The following HIPK1 variants were observed in gnomAD, a reference collection of about 807,000 sequenced individuals.
HIPK1 encodes homeodomain interacting protein kinase 1, also known as homeodomain-interacting protein kinase 1.
Under a neutral mutation model 117.1 loss-of-function variants are expected in HIPK1, and 28 were observed. That is an observed-to-expected ratio of 0.24 (90% CI 0.18 to 0.33). HIPK1 has a LOEUF of 0.33. Among genes scored for constraint, HIPK1 ranks in the 10% least tolerant of loss-of-function variants. The probability of loss-of-function intolerance (pLI) is 1.00; values close to 1 mark genes in which losing one functional copy is unlikely to be tolerated. For missense variants in HIPK1, 1,122 were observed against 1,475.1 expected (o/e 0.76, Z 3.92); for synonymous variants, 605 against 562.5 (o/e 1.08, Z -1.07).
chr1:113,972,463 T>A (rs1672902408), intron 15 of HIPK1, among the ~76,000 whole-genome samples: 2 of 152,222 alleles, frequency 1.3e-5, no homozygotes, highest in South Asian at 4.1e-4. Flanking sequence ...GCTTCTCTCA[T>A]TACTTTATTC....
chr1:113,933,855 G>A (rs1038834423), intron 1 of HIPK1, among the ~76,000 whole-genome samples: 1 of 152,126 alleles, frequency 6.6e-6, no homozygotes, highest in Admixed American at 6.5e-5. Flanking sequence ...GGGTGACAGA[G>A]TCTCAAATAA....
rs76045551 is a variant in HIPK1 at position 113,933,330 on chromosome 1, A to G, written c.-3+3798A>G. 2.2e-3 allele frequency: 664 copies of G among 303,892 alleles called. 1 individual carries two copies. The highest frequency in any genetic ancestry group is 0.017 in the Middle Eastern group (10 of 580). 18.8% of individuals were successfully genotyped at this position (303,892 alleles called of 1,614,324 possible). ...ACTAGGGCCAGAGAAGGCAAGGTCT[A>G]TTGTGGGAACCCAGAGAGACTTGGT... On this transcript the variant is annotated intron_variant, in intron 1 of 15. Transcript: ENST00000426820.
Position 113,954,671 on chromosome 1 carries a change from A to G in HIPK1, c.1221A>G (p.Thr407=), listed in dbSNP as rs758609120. 1.2e-6 allele frequency: 2 copies of G among 1,613,820 alleles called. No homozygotes were observed. Among genetic ancestry groups the G allele is most frequent in the South Asian group, 1.1e-5 (1 of 91,072 alleles). The change falls in exon 4 of 16, where the codon ACA becomes ACG. Residue 407 remains threonine, a synonymous_variant. Transcript: ENST00000426820. ...TTCAGATTCGTTATATTTCACAAAC[A>G]CAAGGCTTGCCAGCTGAATATCTTC... The part of the protein sequence containing the change: ...EYDQIRYISQ[T]QGLPAEYLLS...
intron 10 of HIPK1, among the ~76,000 whole-genome samples, chr1:113,964,444 T>G (rs1381876093): frequency 1.3e-5 from 2 of 152,178 alleles, no homozygotes; most frequent in East Asian, 3.8e-4. Flanking sequence ...TGGATGTGTT[T>G]TGGTTTATAT....
At chr1:113,961,388 T>A (rs1019975312) in intron 8 of HIPK1, among the ~76,000 whole-genome samples, 31 of 152,328 alleles carry the variant, frequency 2.0e-4, no homozygotes, top group African/African-American at 7.0e-4. Flanking sequence ...TAAACCAGAA[T>A]GTCTGCTTTT....
In HIPK1 at chr1:113,955,899, A is replaced by G. The variant is rs1671684048; in HGVS notation, c.1407+250A>G. Among the ~76,000 whole-genome samples, 3 of 152,196 alleles carry G rather than the reference A, an allele frequency of 2.0e-5. No homozygotes were observed. In the South Asian group the frequency reaches 6.2e-4, roughly 32 times the overall value. The stretch of plus-strand genomic sequence containing the variant: ...GCAGTGTTTTAAAATATTACTTATG[A>G]AAGTTTCTTGTCCCATTTTCTCTAT... On this transcript the variant is annotated intron_variant, in intron 5 of 15. Transcript: ENST00000426820.
chr1:113,954,915 G>A, intron 4 of HIPK1, 145 bp downstream of exon 4: 1 of 739,232 alleles, frequency 1.4e-6, no homozygotes, highest in Non-Finnish European at 2.2e-6. Context: ...CTTTGTACCT[G>A]TTTGGCCTTA....
Position 113,973,466 on chromosome 1 carries a change from G to T in HIPK1, c.3587G>T (p.Gly1196Val), listed in dbSNP as rs745328318. 6.2e-7 allele frequency: 1 copy of T among 1,611,408 alleles called. No individual in the cohort carries two copies. Among genetic ancestry groups the T allele is most frequent in the Non-Finnish European group, 8.5e-7 (1 of 1,178,348 alleles). The stretch of plus-strand genomic sequence containing the variant: ...TCCCGAGGCTCAACAATTTACACTG[G>T]ATACCCGCTGAGTCCTACCAAGATC... ...GSSRGSTIYT[G>V]YPLSPTKISQ... The change falls in exon 16 of 16, where the codon GGA becomes GTA. Residue 1196 changes from glycine to valine, a missense_variant. Coordinates refer to ENST00000426820, the MANE Select transcript of HIPK1 (RefSeq NM_198268.3).
At chr1:113,952,739 T>TA in intron 2 of HIPK1, 27 bp from the exon 3 acceptor site, 3 of 1,409,384 alleles carry the variant, frequency 2.1e-6, no homozygotes, top group Non-Finnish European at 1.9e-6. Context: ...TTTTTTTTTT[T>TA]AATCTGATAT....
chr1:113,929,699 C>A (rs35024348), intron 1 of HIPK1, 167 bp downstream of exon 1: 191,735 of 827,782 alleles, frequency 0.23, 24,937 homozygotes, highest in Non-Finnish European at 0.26. Flanking sequence ...GAGGCGGGAG[C>A]GCGCGGGGCT....
chr1:113,955,146 C>G (rs1273644943), intron 4 of HIPK1, among the ~76,000 whole-genome samples: 1 of 152,160 alleles, frequency 6.6e-6, no homozygotes, highest in Non-Finnish European at 1.5e-5. Context: ...TATATTTTTT[C>G]TTGAAACAAA....
Position 113,963,487 on chromosome 1 carries a change from G to A in HIPK1, c.2204G>A (p.Arg735Gln), listed in dbSNP as rs780076473. ...TTTACTCTGAGCTGCGCAGCCGGCC[G>A]GCCGGCGCTGGTTGAACAGACTGCC... is the stretch of plus-strand genomic sequence containing the variant. ...VPFTLSCAAG[R>Q]PALVEQTAAV... The change falls in exon 10 of 16, where the codon CGG becomes CAG. Residue 735 changes from arginine to glutamine, a missense_variant. Around this residue, in one of 6 missense-constraint regions of HIPK1, gnomAD observed 731 missense variants for 860.4 expected, o/e 0.85. Transcript: ENST00000426820. 9.9e-6 allele frequency: 16 copies of A among 1,614,144 alleles called. No individual in the cohort carries two copies. The highest frequency in any genetic ancestry group is 3.3e-5 in the Admixed American group (2 of 60,026).
In HIPK1 at chr1:113,963,449, G is replaced by C. The variant is rs1461727837; in HGVS notation, c.2166G>C (p.Gln722His). 4 of 1,613,892 alleles carry C rather than the reference G, an allele frequency of 2.5e-6. No homozygotes were observed. The highest frequency in any genetic ancestry group is 3.4e-6 in the Non-Finnish European group (4 of 1,179,834). ...LHPQVATITPQYAVPFTLSCA... is the reference protein window; with the variant it reads ...LHPQVATITPHYAVPFTLSCA... ...CTCAAGTAGCCACCATCACACCGCA[G>C]TATGCGGTGCCCTTTACTCTGAGCT... The change falls in exon 10 of 16, where the codon CAG becomes CAC. Residue 722 changes from glutamine to histidine, a missense_variant. Gln to His is a conservative substitution (Grantham distance 24). Coordinates refer to ENST00000426820, the MANE Select transcript of HIPK1 (RefSeq NM_198268.3).
At chr1:113,962,706 G>T (rs932301588) in intron 9 of HIPK1, among the ~76,000 whole-genome samples, 1 of 152,108 alleles carries the variant, frequency 6.6e-6, no homozygotes, top group Non-Finnish European at 1.5e-5. Flanking sequence ...AATTTTGCGG[G>T]GTGAAGCGTT....
At position 113,967,940 on chromosome 1, in the gene HIPK1, C is replaced by G. The variant is rs139567945; in HGVS notation, c.2556C>G (p.Val852=). 12 of 1,605,490 alleles carry G rather than the reference C, an allele frequency of 7.5e-6. No homozygotes were observed. The African/African-American group carries it at 8.1e-5, about 11-fold the overall frequency. Residue 852 remains valine (V), a synonymous_variant, in exon 12 of 16, where the codon GTC becomes GTG. Transcript: ENST00000426820. Reference sequence around the variant, plus strand: ...AGAAGAATAAGCAGTCAGCTCCAGTCTCTTCCAAGTGAGTCTGTGTTACAG... The same window carrying G: ...AGAAGAATAAGCAGTCAGCTCCAGTGTCTTCCAAGTGAGTCTGTGTTACAG... ...PSKKNKQSAP[V]SSKSSLDVLP... is the part of the protein sequence containing the mutation.
chr1:113,968,027 G>A, intron 12 of HIPK1, 79 bp downstream of exon 12: 1 of 1,267,034 alleles, frequency 7.9e-7, no homozygotes, highest in Non-Finnish European at 1.1e-6. Context: ...ATATTGTATA[G>A]ACATATAATA....
chr1:113,962,172 A>G (rs563796953), intron 8 of HIPK1, 145 bp from the exon 9 acceptor site: 19 of 728,422 alleles, frequency 2.6e-5, no homozygotes, highest in African/African-American at 5.4e-5. Context: ...CAAGACTTCT[A>G]TGAATGAAAC....
At chr1:113,929,755 G>C (rs1414503717) in intron 1 of HIPK1, 1 of 867,480 alleles carries the variant, frequency 1.2e-6, no homozygotes, top group Non-Finnish European at 1.4e-6. Flanking sequence ...GGTGGAGCGG[G>C]AGGGAGGCTG....
chr1:113,972,041 A>G, intron 15 of HIPK1, 87 bp downstream of exon 15: 1 of 1,613,304 alleles, frequency 6.2e-7, no homozygotes, highest in Non-Finnish European at 8.5e-7. Context: ...GATGCTGAAT[A>G]AAGCCAAATG....
Sources: allele counts gnomAD v4.1 joint callset (sites outside exome capture counted in the v4.1 genomes callset), GRCh38; gene constraint gnomAD v4.1.1; regional missense constraint gnomAD v4.1.1; transcripts MANE v1.5; gene names NCBI Gene and HGNC (gene_info 2026-07-23, HGNC 2026-07-21).